Variants in MAP4K4 observed in about 807,000 individuals in gnomAD.
MAP4K4 encodes the protein mitogen-activated protein kinase kinase kinase kinase 4.
Under a neutral mutation model 189.6 loss-of-function variants are expected in MAP4K4, and 38 were observed. The observed-to-expected ratio is 0.20, with a 90% confidence interval of 0.15 to 0.26. The LOEUF (loss-of-function observed/expected upper bound fraction) is 0.26. Ranked by LOEUF, MAP4K4 falls within the 10% of genes least tolerant of loss-of-function variation. The pLI is 1.00. For missense variants in MAP4K4, 1,054 were observed against 1,726.9 expected, an observed-to-expected ratio of 0.61 and a Z score of 6.91; for synonymous variants, 610 against 624.3, an observed-to-expected ratio of 0.98 and a Z score of 0.34.
chr2:101,735,510 C>G (rs1334607346), intron 2 of MAP4K4, among the ~76,000 whole-genome samples: 1 of 152,110 alleles, frequency 6.6e-6, no homozygotes, highest in Non-Finnish European at 1.5e-5. Context: ...ATGAAAAAAT[C>G]TGTAGGTTTT....
At chr2:101,791,779 T>C (rs2092919029) in intron 3 of MAP4K4, among the ~76,000 whole-genome samples, 2 of 152,220 alleles carry the variant, frequency 1.3e-5, no homozygotes, top group Admixed American at 6.5e-5. Flanking sequence ...TCAGTAAGAA[T>C]TGGAAAACAC....
chr2:101,722,691 A>G (rs746761376), intron 2 of MAP4K4, among the ~76,000 whole-genome samples: 1 of 152,200 alleles, frequency 6.6e-6, no homozygotes, highest in Non-Finnish European at 1.5e-5. Flanking sequence ...ACAACTTTAT[A>G]TGTAACTTTA....
At chr2:101,734,393 T>C (rs566811600) in intron 2 of MAP4K4, among the ~76,000 whole-genome samples, 4 of 152,350 alleles carry the variant, frequency 2.6e-5, no homozygotes, top group South Asian at 2.1e-4. Context: ...CACATAATTA[T>C]GTTATGACTG....
chr2:101,808,315 T>C (rs961784453), intron 3 of MAP4K4, among the ~76,000 whole-genome samples: 7 of 152,172 alleles, frequency 4.6e-5, no homozygotes, highest in African/African-American at 1.4e-4. Flanking sequence ...GTCTTCCTTA[T>C]AGCTACAGAG....
intron 27 of MAP4K4, 77 bp from the exon 28 acceptor site, chr2:101,882,474 C>A (rs763931972): frequency 8.4e-6 from 10 of 1,186,004 alleles, no homozygotes; most frequent in Non-Finnish European, 1.1e-5. Flanking sequence ...TGATTGATTT[C>A]TTTTGGTTAC....
At chr2:101,869,197 T>C (rs1378494328) in intron 21 of MAP4K4, among the ~76,000 whole-genome samples, 2 of 152,016 alleles carry the variant, frequency 1.3e-5, no homozygotes. Context: ...TAAAAATGTG[T>C]CTCTCAAAAC....
Position 101,867,324 on chromosome 2 carries a change from G to T in MAP4K4, c.2454+15G>T. The T allele has an allele frequency of 6.3e-7, 1 of 1,583,546 alleles. No homozygotes were observed. Among genetic ancestry groups the T allele is most frequent in the South Asian group, 1.1e-5 (1 of 87,268 alleles). On this transcript the variant is annotated intron_variant, in intron 20 of 32. Coordinates refer to ENST00000324219, the Ensembl canonical transcript of MAP4K4. The stretch of plus-strand genomic sequence containing the variant: ...TCAAGCCTGCTGTAAGGATTGTGCA[G>T]GATCAGTTTTACTTATTTCAGACTT...
At chr2:101,874,575 C>G (rs1469186508) in intron 26 of MAP4K4, among the ~76,000 whole-genome samples, 1 of 152,154 alleles carries the variant, frequency 6.6e-6, no homozygotes, top group Non-Finnish European at 1.5e-5. Context: ...GCCCATTATA[C>G]TCAATAGTGT....
chr2:101,810,780 C>G (rs182727617), intron 3 of MAP4K4, among the ~76,000 whole-genome samples: 36 of 152,300 alleles, frequency 2.4e-4, no homozygotes, highest in Admixed American at 7.2e-4. Context: ...TTTCCCCATT[C>G]TGTGTCTATT....
In MAP4K4 at chr2:101,702,874, T is replaced by C. The variant is rs115575347; in HGVS notation, c.123+4336T>C. Among the ~76,000 whole-genome samples the C allele has an allele frequency of 8.1e-3, 1,234 of 152,286 alleles. 20 individuals are homozygous for C. The highest frequency in any genetic ancestry group is 0.028 in the African/African-American group (1,177 of 41,562). On this transcript the variant is annotated intron_variant, in intron 2 of 32. Coordinates refer to ENST00000324219, the Ensembl canonical transcript of MAP4K4. ...TAACGCTAAGAGTTTGCTCATTCGATGCCCATTTGACACTGTGCTCATGTT... is the reference window on the plus strand; with the variant it reads ...TAACGCTAAGAGTTTGCTCATTCGACGCCCATTTGACACTGTGCTCATGTT...
intron 9 of MAP4K4, 68 bp from the exon 10 acceptor site, chr2:101,839,751 A>T: frequency 1.7e-6 from 2 of 1,202,596 alleles, no homozygotes; most frequent in South Asian, 1.6e-5. Context: ...TGAGGCTTGT[A>T]AGTTACTGAT....
chr2:101,706,987 G>A (rs2042653023), intron 2 of MAP4K4, among the ~76,000 whole-genome samples: 1 of 152,106 alleles, frequency 6.6e-6, no homozygotes, highest in Admixed American at 6.6e-5. Context: ...ACCAGACTGT[G>A]TAAGGCAGAG....
intron 2 of MAP4K4, among the ~76,000 whole-genome samples, chr2:101,743,003 T>A (rs1040500318): frequency 6.6e-6 from 1 of 152,256 alleles, no homozygotes; most frequent in Non-Finnish European, 1.5e-5. Flanking sequence ...TTAAATAAAT[T>A]ACTAAAATTA....
At chr2:101,846,647 A>G (rs1014783580) in intron 12 of MAP4K4, among the ~76,000 whole-genome samples, 1 of 152,200 alleles carries the variant, frequency 6.6e-6, no homozygotes, top group African/African-American at 2.4e-5. Context: ...GATGCTGGTG[A>G]ATGTCTGTGA....
intron 2 of MAP4K4, among the ~76,000 whole-genome samples, chr2:101,744,318 A>G (rs944404810): frequency 6.6e-6 from 1 of 152,192 alleles, no homozygotes; most frequent in African/African-American, 2.4e-5. Context: ...TAATTAGGCA[A>G]TTTACATTCT....
chr2:101,834,076 G>A (rs2096666259), intron 7 of MAP4K4, among the ~76,000 whole-genome samples: 1 of 152,148 alleles, frequency 6.6e-6, no homozygotes, highest in African/African-American at 2.4e-5. Context: ...AGACAATTCA[G>A]AGAGATGCTT....
intron 2 of MAP4K4, among the ~76,000 whole-genome samples, chr2:101,736,221 C>T (rs190564112): frequency 7.5e-4 from 115 of 152,320 alleles, no homozygotes; most frequent in African/African-American, 2.7e-3. Flanking sequence ...TCGATCTGTC[C>T]AACAGTTCCC....
In MAP4K4 at chr2:101,825,498, C is replaced by T. The variant is rs571585829; in HGVS notation, c.417+69C>T. 6.6e-5 allele frequency: 64 copies of T among 967,728 alleles called. No homozygotes were observed. The East Asian group carries it at 1.6e-3, about 24-fold the overall frequency. 59.9% of individuals were successfully genotyped at this position (967,728 alleles called of 1,614,324 possible). On this transcript the variant is annotated intron_variant, in intron 5 of 32. Coordinates refer to ENST00000324219, the Ensembl canonical transcript of MAP4K4. ...TGCTTCCGTTTTCATTTTCCCAGCC[C>T]CAAGTACTTCTTTGCATTACTTATA... is the stretch of plus-strand genomic sequence containing the variant.
At chr2:101,755,637 C>T (rs976572072) in intron 2 of MAP4K4, among the ~76,000 whole-genome samples, 4 of 152,120 alleles carry the variant, frequency 2.6e-5, no homozygotes, top group Admixed American at 2.6e-4. Flanking sequence ...CTTCTTCTTT[C>T]TTTATTTTTG....
Sources: allele counts gnomAD v4.1 joint callset (sites outside exome capture counted in the v4.1 genomes callset), GRCh38; gene constraint gnomAD v4.1.1; transcripts MANE v1.5; gene names NCBI Gene and HGNC (gene_info 2026-07-23, HGNC 2026-07-21).